The following LAMA2 variants were observed in gnomAD, a reference collection of about 807,000 sequenced individuals.
The protein encoded by LAMA2 is laminin subunit alpha-2.
In LAMA2, 269 loss-of-function variants were observed where a neutral mutation model predicts 364.8. The ratio of observed to expected loss-of-function variants is 0.74; its 90% CI spans 0.67 to 0.82. The LOEUF (loss-of-function observed/expected upper bound fraction) is 0.82. LAMA2 is among the 40% of genes least tolerant of loss of function. LAMA2 has a pLI of 0.00. For synonymous variants in LAMA2, 1,379 were observed against 1,370.6 expected, an observed-to-expected ratio of 1.01 and a Z score of -0.14; for missense variants, 3,807 against 3,873.2, an observed-to-expected ratio of 0.98 and a Z score of 0.45.
intron 32 of LAMA2, 105 bp from the exon 33 acceptor site, chr6:129,366,114 A>G (rs1777758164): frequency 3.3e-6 from 4 of 1,214,824 alleles, no homozygotes; most frequent in Admixed American, 3.4e-5. Context: ...TTCATCTTCC[A>G]TGGAATTATT....
At chr6:128,928,919 TA>T in intron 1 of LAMA2, 1 of 756,596 alleles carries the variant, frequency 1.3e-6, no homozygotes, top group Non-Finnish European at 2.3e-6. Context: ...CATTTCTTCC[TA>T]AGTGGAATAC....
intron 1 of LAMA2, among the ~76,000 whole-genome samples, chr6:128,931,933 G>T (rs967360064): frequency 6.6e-6 from 1 of 151,826 alleles, no homozygotes; most frequent in Admixed American, 6.6e-5. Context: ...TGTAATGATT[G>T]TTCATTATAT....
chr6:129,384,282 A>G (rs138489418), intron 35 of LAMA2, among the ~76,000 whole-genome samples: 1 of 152,172 alleles, frequency 6.6e-6, no homozygotes, highest in Non-Finnish European at 1.5e-5. Flanking sequence ...TGCTACTTGA[A>G]GTGTCCCCCT....
chr6:129,201,251 G>A (rs1046017019), intron 12 of LAMA2, among the ~76,000 whole-genome samples: 1 of 152,154 alleles, frequency 6.6e-6, no homozygotes, highest in African/African-American at 2.4e-5. Flanking sequence ...ACACAGCCTG[G>A]CCTTGCCAAA....
chr6:129,515,634 G>C (rs1229735178), intron 64 of LAMA2, among the ~76,000 whole-genome samples: 1 of 151,920 alleles, frequency 6.6e-6, no homozygotes, highest in African/African-American at 2.4e-5. Flanking sequence ...TTCTAAGTAA[G>C]TCAGTACTTA....
intron 12 of LAMA2, among the ~76,000 whole-genome samples, chr6:129,233,981 C>CT (rs1274897734): frequency 5.3e-5 from 8 of 152,226 alleles, no homozygotes; most frequent in Admixed American, 1.3e-4. Flanking sequence ...TTGAGGAACT[C>CT]TTTTTTTCCG....
intron 41 of LAMA2, among the ~76,000 whole-genome samples, chr6:129,432,998 T>C (rs917244345): frequency 6.6e-6 from 1 of 152,182 alleles, no homozygotes; most frequent in Non-Finnish European, 1.5e-5. Flanking sequence ...CTCCATAACC[T>C]GACTCCCTGT....
chr6:129,436,082 T>C (rs530492956), intron 41 of LAMA2, among the ~76,000 whole-genome samples: 3 of 152,262 alleles, frequency 2.0e-5, no homozygotes, highest in African/African-American at 7.2e-5. Flanking sequence ...ATAACATTCT[T>C]CCCCAGTTAG....
chr6:129,020,113 A>G (rs1190790438), intron 1 of LAMA2, among the ~76,000 whole-genome samples: 2 of 152,004 alleles, frequency 1.3e-5, no homozygotes, highest in African/African-American at 4.8e-5. Context: ...AAAAAAAAAA[A>G]AAAAAAGAAG....
At chr6:129,223,272 T>C (rs963991928) in intron 12 of LAMA2, among the ~76,000 whole-genome samples, 1 of 152,162 alleles carries the variant, frequency 6.6e-6, no homozygotes, top group African/African-American at 2.4e-5. Context: ...ATTGCAAAAA[T>C]CTTCTCCCAT....
At chr6:128,971,018 C>G (rs2114616446) in intron 1 of LAMA2, among the ~76,000 whole-genome samples, 1 of 152,240 alleles carries the variant, frequency 6.6e-6, no homozygotes, top group South Asian at 2.1e-4. Context: ...GTGGAATGCT[C>G]TTTTCCTGCT....
intron 28 of LAMA2, among the ~76,000 whole-genome samples, chr6:129,326,730 A>ATTTTT (rs1775316064): frequency 4.1e-5 from 6 of 145,110 alleles, no homozygotes; most frequent in East Asian, 3.9e-4. Flanking sequence ...TATATTATAT[A>ATTTTT]TATTTTATAT....
At chr6:129,020,486 G>C (rs1287738571) in intron 1 of LAMA2, among the ~76,000 whole-genome samples, 1 of 152,174 alleles carries the variant, frequency 6.6e-6, no homozygotes, top group African/African-American at 2.4e-5. Context: ...GATACGGAAG[G>C]AAGGAAATAA....
intron 12 of LAMA2, among the ~76,000 whole-genome samples, chr6:129,243,902 A>C (rs1785562703): frequency 6.6e-6 from 1 of 151,966 alleles, no homozygotes; most frequent in African/African-American, 2.4e-5. Flanking sequence ...ATGAAGAAGA[A>C]AGCTAAGGAG....
At chr6:129,124,025 A>G (rs1217315230) in intron 4 of LAMA2, among the ~76,000 whole-genome samples, 2 of 152,258 alleles carry the variant, frequency 1.3e-5, no homozygotes, top group Non-Finnish European at 2.9e-5. Flanking sequence ...GTATACATCA[A>G]ATACGTAAGG....
chr6:128,942,690 A>C (rs1297989284), intron 1 of LAMA2, among the ~76,000 whole-genome samples: 1 of 152,172 alleles, frequency 6.6e-6, no homozygotes, highest in Admixed American at 6.5e-5. Flanking sequence ...GTCTTAATGG[A>C]ATTGTTAATA....
intron 9 of LAMA2, among the ~76,000 whole-genome samples, chr6:129,168,021 T>C (rs1779874582): frequency 6.6e-6 from 1 of 150,578 alleles, no homozygotes; most frequent in African/African-American, 2.5e-5. Flanking sequence ...GTTTGTTTTT[T>C]TCTTGTAAAT....
At chr6:129,347,349 G>A (rs370970155) in intron 30 of LAMA2, among the ~76,000 whole-genome samples, 37 of 152,224 alleles carry the variant, frequency 2.4e-4, no homozygotes, top group African/African-American at 8.9e-4. Context: ...GATCTGCGAA[G>A]GTAGGCACAA....
rs1260917806 is a variant in LAMA2 at position 129,393,246 on chromosome 6, T to C, written c.5436T>C (p.Thr1812=). The change falls in exon 37 of 65, where the codon ACT becomes ACC. Residue 1812 remains threonine (T), a synonymous_variant. Coordinates refer to ENST00000421865, the MANE Select transcript of LAMA2 (RefSeq NM_000426.4). ...RLFAVNQKNM[T]ALEKKKEAVE... ...TTGCAGTAAATCAGAAAAACATGACTGCATTGGAGGTGAGTCTTAGGGGCA... is the reference window on the plus strand; with the variant it reads ...TTGCAGTAAATCAGAAAAACATGACCGCATTGGAGGTGAGTCTTAGGGGCA... The C allele has an allele frequency of 1.2e-6, 2 of 1,612,820 alleles. No homozygotes were observed. The highest frequency in any genetic ancestry group is 1.3e-5 in the African/African-American group (1 of 74,880).
Sources: allele counts gnomAD v4.1 joint callset (sites outside exome capture counted in the v4.1 genomes callset), GRCh38; gene constraint gnomAD v4.1.1; transcripts MANE v1.5; gene names NCBI Gene and HGNC (gene_info 2026-07-23, HGNC 2026-07-21).